The following OSBPL2 variants were observed in gnomAD, a reference collection of about 807,000 sequenced individuals.
OSBPL2 encodes the protein oxysterol binding protein like 2.
A neutral mutation model predicts 58.4 loss-of-function variants in OSBPL2; 18 were observed. That is an observed-to-expected ratio of 0.31 (90% CI 0.21 to 0.46). The LOEUF (loss-of-function observed/expected upper bound fraction) is 0.46. OSBPL2 is among the 20% of genes least tolerant of loss of function. OSBPL2 has a pLI of 1.00. For missense variants in OSBPL2, 461 were observed against 616.5 expected (o/e 0.75, Z 2.67); for synonymous variants, 221 against 234.1 (o/e 0.94, Z 0.51).
intron 12 of OSBPL2, among the ~76,000 whole-genome samples, chr20:62,290,158 C>T (rs977294383): frequency 1.3e-5 from 2 of 152,196 alleles, no homozygotes; most frequent in Non-Finnish European, 2.9e-5. Context: ...CTCACTCACT[C>T]ATCTAGATGG....
chr20:62,261,566 C>T (rs1156671765), intron 3 of OSBPL2, among the ~76,000 whole-genome samples: 1 of 152,180 alleles, frequency 6.6e-6, no homozygotes, highest in Non-Finnish European at 1.5e-5. Flanking sequence ...TCTCACCCTA[C>T]AGATATGGGA....
rs578197531 is a variant in OSBPL2 at position 62,257,644 on chromosome 20, G to C, written c.37+1423G>C. Among the ~76,000 whole-genome samples, 16 of 152,076 alleles carry C rather than the reference G, an allele frequency of 1.1e-4. 1 individual carries two copies. In the East Asian group the frequency reaches 3.1e-3, roughly 29 times the overall value. Reference sequence around the variant, plus strand: ...GCAGCCTTGAGGTCCCTCCTCTCCTGGGAGTCTCATAGGATGTCCTTTTTG... The same window carrying C: ...GCAGCCTTGAGGTCCCTCCTCTCCTCGGAGTCTCATAGGATGTCCTTTTTG... On this transcript the variant is annotated intron_variant, in intron 2 of 13. Transcript: ENST00000313733.
intron 2 of OSBPL2, among the ~76,000 whole-genome samples, chr20:62,257,045 C>T (rs1980972875): frequency 6.6e-6 from 1 of 152,262 alleles, no homozygotes; most frequent in Admixed American, 6.5e-5. Context: ...AAAGGAGTGG[C>T]TTTGGAAATG....
In OSBPL2 at chr20:62,291,802, T is replaced by C. The variant is rs746526394; in HGVS notation, c.1340+9T>C. The C allele has an allele frequency of 1.4e-6, 2 of 1,465,814 alleles. No homozygotes were observed. The highest frequency in any genetic ancestry group is 1.8e-6 in the Non-Finnish European group (2 of 1,101,308). The allele number at this position is 1,465,814 out of a possible 1,614,324, so 90.8% of individuals were successfully genotyped here. ...GCAGAGTGGCAGACGAGGTGAGTAC[T>C]GTGGTAGCCACGCAGGCTGGGGCAG... On this transcript the variant is annotated intron_variant, in intron 13 of 13. Coordinates refer to ENST00000313733, the MANE Select transcript of OSBPL2 (RefSeq NM_144498.4).
chr20:62,290,985 G>A (rs369342047), intron 12 of OSBPL2, among the ~76,000 whole-genome samples: 2 of 151,972 alleles, frequency 1.3e-5, no homozygotes, highest in South Asian at 4.1e-4. Flanking sequence ...TGATCCACCC[G>A]CCTTGGCCTC....
chr20:62,279,569 A>G (rs946068144), intron 7 of OSBPL2: 2 of 560,940 alleles, frequency 3.6e-6, no homozygotes, highest in Middle Eastern at 4.8e-4. Context: ...CGGTCACATC[A>G]TTCATTGTAT....
rs1186762523 is a variant in OSBPL2, at chr20:62,279,919, G to A, written c.674+580G>A. ...TGCTCATGTGGCAGGGGTGACTTAG[G>A]GTTGGAATTTGAAACAGCGTGGGAG... On this transcript the variant is annotated intron_variant, in intron 7 of 13. Coordinates refer to ENST00000313733, the MANE Select transcript of OSBPL2 (RefSeq NM_144498.4). 8.5e-6 allele frequency: 11 copies of A among 1,294,054 alleles called. No homozygotes were observed. The African/African-American group carries it at 9.1e-5, about 11-fold the overall frequency. The allele number at this position is 1,294,054 out of a possible 1,614,324, so 80.2% of individuals were successfully genotyped here.
rs73613561 is a variant in OSBPL2 at position 62,288,803 on chromosome 20, G to A, written c.1126-404G>A. ...CTCCAGGGCTGAGGCTTTGGCAGGT[G>A]AAGGGGTAAAGAGGAGGAACCTGTG... On this transcript the variant is annotated intron_variant, in intron 11 of 13. Transcript: ENST00000313733. The surrounding 1 kb of genome is among the most constrained non-coding windows in gnomAD (Gnocchi z 4.8). Among the ~76,000 whole-genome samples, 144 of 152,272 alleles carry A rather than the reference G, an allele frequency of 9.5e-4. 2 individuals are homozygous for A. The East Asian group carries it at 0.027, about 28-fold the overall frequency.
chr20:62,281,297 C>A, intron 8 of OSBPL2, 132 bp downstream of exon 8: 1 of 641,404 alleles, frequency 1.6e-6, no homozygotes, highest in Non-Finnish European at 2.8e-6. Flanking sequence ...CCCCGCCAGC[C>A]CAGGCATAGC....
rs1980900810 is a variant in OSBPL2, at chr20:62,256,071, T to C, written c.-114T>C. ...TTTCCCTTTAGATCTTCAGTGTCTA[T>C]TGGATTTTTCCAAGAGAAAGTTTGT... is the stretch of plus-strand genomic sequence containing the variant. On this transcript the variant is annotated 5_prime_UTR_variant, in exon 2 of 14. Transcript: ENST00000313733. The C allele has an allele frequency of 3.8e-6, 5 of 1,317,278 alleles. No individual in the cohort carries two copies. The highest frequency in any genetic ancestry group is 5.3e-6 in the Non-Finnish European group (5 of 950,998). 81.6% of individuals were successfully genotyped at this position (1,317,278 alleles called of 1,614,324 possible).
intron 12 of OSBPL2, among the ~76,000 whole-genome samples, chr20:62,290,399 C>G (rs1349262423): frequency 7.2e-6 from 1 of 137,964 alleles, no homozygotes; most frequent in Non-Finnish European, 1.5e-5. Flanking sequence ...CTACACCTGG[C>G]TAATTTTTTG....
intron 4 of OSBPL2, among the ~76,000 whole-genome samples, chr20:62,265,238 T>C (rs1357786211): frequency 1.3e-5 from 2 of 152,202 alleles, no homozygotes; most frequent in African/African-American, 4.8e-5. Flanking sequence ...ATTATATATT[T>C]ATTCAGTTAT....
chr20:62,271,793 T>G (rs1982078491), intron 4 of OSBPL2: 2 of 258,904 alleles, frequency 7.7e-6, no homozygotes, highest in South Asian at 6.6e-5. Context: ...AGATGTGGAG[T>G]AGGGGAGGGG....
chr20:62,291,571 G>A lies in OSBPL2; in HGVS notation c.1250-132G>A, dbSNP rs911663407. 33 of 800,876 alleles carry A rather than the reference G, an allele frequency of 4.1e-5. No homozygotes were observed. The African/African-American group carries it at 4.2e-4, about 10-fold the overall frequency. 49.6% of individuals were successfully genotyped at this position (800,876 alleles called of 1,614,324 possible). Reference sequence around the variant, plus strand: ...CAACTGTGATTGTGTTTGGTCTCCCGATCACAGAACCTGTTGTCTGTGGCA... The same window carrying A: ...CAACTGTGATTGTGTTTGGTCTCCCAATCACAGAACCTGTTGTCTGTGGCA... On this transcript the variant is annotated intron_variant, in intron 12 of 13. Transcript: ENST00000313733.
Position 62,288,650 on chromosome 20 carries a change from C to T in OSBPL2, c.1126-557C>T, listed in dbSNP as rs1328970407. ...GCTGCCGCAGGCCTGCTCGGGTGTGCTGTCCACAAGACGCCGAGCAGACAG... is the reference window on the plus strand; with the variant it reads ...GCTGCCGCAGGCCTGCTCGGGTGTGTTGTCCACAAGACGCCGAGCAGACAG... On this transcript the variant is annotated intron_variant, in intron 11 of 13. Coordinates refer to ENST00000313733, the MANE Select transcript of OSBPL2 (RefSeq NM_144498.4). This position sits in a 1 kb window ranked among gnomAD's most constrained non-coding sequence, Gnocchi z 4.8. Among the ~76,000 whole-genome samples the T allele has an allele frequency of 6.6e-6, 1 of 152,146 alleles. No homozygotes were observed. The highest frequency in any genetic ancestry group is 1.5e-5 in the Non-Finnish European group (1 of 68,018).
intron 4 of OSBPL2, among the ~76,000 whole-genome samples, chr20:62,266,133 T>A (rs1401067537): frequency 3.3e-5 from 5 of 151,700 alleles, no homozygotes; most frequent in South Asian, 4.4e-4. Flanking sequence ...TAAAAAAAAA[T>A]AAATAAAGAT....
At chr20:62,247,052 G>A (rs992136012) in intron 1 of OSBPL2, among the ~76,000 whole-genome samples, 3 of 152,202 alleles carry the variant, frequency 2.0e-5, no homozygotes, top group African/African-American at 7.2e-5. Context: ...AGTCCTGCAG[G>A]GATGTGACAG....
chr20:62,272,743 A>G (rs1982143620), intron 5 of OSBPL2, among the ~76,000 whole-genome samples: 1 of 152,222 alleles, frequency 6.6e-6, no homozygotes, highest in African/African-American at 2.4e-5. Context: ...AAATTTTTTA[A>G]AACTTAGCCA....
At position 62,288,558 on chromosome 20, in the gene OSBPL2, C is replaced by CT. The variant is rs1983287183; in HGVS notation, c.1126-649_1126-648insT. Among the ~76,000 whole-genome samples the CT allele has an allele frequency of 2.8e-5, 4 of 144,528 alleles. No homozygotes were observed. Among genetic ancestry groups the CT allele is most frequent in the Non-Finnish European group, 4.6e-5 (3 of 65,928 alleles). The allele number at this position is 144,528 out of a possible 152,430, so 94.8% of individuals were successfully genotyped here. On this transcript the variant is annotated intron_variant, in intron 11 of 13. Coordinates refer to ENST00000313733, the MANE Select transcript of OSBPL2 (RefSeq NM_144498.4). The surrounding 1 kb of genome is among the most constrained non-coding windows in gnomAD (Gnocchi z 4.8). ...GGCTGGGAGGCTGTGGGTGCAGAGG[C>CT]CGGAGGCTGTGGGTGCAGAGGCTGG...
Sources: allele counts gnomAD v4.1 joint callset (sites outside exome capture counted in the v4.1 genomes callset), GRCh38; gene constraint gnomAD v4.1.1; non-coding constraint Gnocchi (gnomAD v3.1); transcripts MANE v1.5; gene names NCBI Gene and HGNC (gene_info 2026-07-23, HGNC 2026-07-21).